The following VWC2L variants were observed in gnomAD, a reference collection of about 807,000 sequenced individuals.
VWC2L encodes the protein von Willebrand factor C domain containing 2 like.
In VWC2L, 10 loss-of-function variants were observed where a neutral mutation model predicts 21.6. The ratio of observed to expected loss-of-function variants is 0.46; its 90% CI spans 0.29 to 0.78. The LOEUF (loss-of-function observed/expected upper bound fraction) is 0.78, where lower values mean the gene tolerates loss of function less well. VWC2L is among the 30% of genes least tolerant of loss of function. VWC2L has a pLI of 0.10. For synonymous variants in VWC2L, 96 were observed against 94.3 expected (o/e 1.02, Z -0.10); for missense variants, 209 against 277.1 (o/e 0.75, Z 1.74).
intron 3 of VWC2L, among the ~76,000 whole-genome samples, chr2:214,456,391 G>A (rs542814922): frequency 6.6e-6 from 1 of 151,864 alleles, no homozygotes; most frequent in Admixed American, 6.6e-5. Context: ...TGATTGTTTG[G>A]TTTTTGTTTG....
rs57520807 is a variant in VWC2L at position 214,420,114 on chromosome 2, C to T, written c.390+5531C>T. ...GATTATTTTGCCAAGTCATCACACTCATAAAAATTGTTGATGCCAATTTGG... is the reference window on the plus strand; with the variant it reads ...GATTATTTTGCCAAGTCATCACACTTATAAAAATTGTTGATGCCAATTTGG... On this transcript the variant is annotated intron_variant, in intron 2 of 3. Coordinates refer to ENST00000312504, the MANE Select transcript of VWC2L (RefSeq NM_001080500.4). 2.8e-3 allele frequency among the ~76,000 whole-genome samples: 427 copies of T among 152,196 alleles called. 2 individuals are homozygous for T. Among genetic ancestry groups the T allele is most frequent in the African/African-American group, 9.8e-3 (407 of 41,522 alleles).
At chr2:214,452,716 G>T (rs1407983151) in intron 3 of VWC2L, among the ~76,000 whole-genome samples, 2 of 152,042 alleles carry the variant, frequency 1.3e-5, no homozygotes, top group Non-Finnish European at 2.9e-5. Flanking sequence ...AAATGGGACT[G>T]CCAGTTTCTC....
At chr2:214,458,884 T>C (rs1235893220) in intron 3 of VWC2L, among the ~76,000 whole-genome samples, 3 of 152,206 alleles carry the variant, frequency 2.0e-5, no homozygotes, top group African/African-American at 4.8e-5. Flanking sequence ...GAAAAAAATG[T>C]GTATTCTGCT....
At chr2:214,571,438 G>T (rs1433346018) in intron 3 of VWC2L, among the ~76,000 whole-genome samples, 2 of 152,138 alleles carry the variant, frequency 1.3e-5, no homozygotes, top group African/African-American at 4.8e-5. Flanking sequence ...AAATGTTCAA[G>T]AAATTATCAC....
rs377730240 is a variant in VWC2L at position 214,461,152 on chromosome 2, G to C, written c.520+24394G>C. On this transcript the variant is annotated intron_variant, in intron 3 of 3. Coordinates refer to ENST00000312504, the MANE Select transcript of VWC2L (RefSeq NM_001080500.4). ...TAGTCAGGCCCCAGTCGTGGCAGCA[G>C]TGGGACAAATGTTCCTGTCCTTGGG... is the stretch of plus-strand genomic sequence containing the variant. Among the ~76,000 whole-genome samples, 14 of 152,350 alleles carry C rather than the reference G, an allele frequency of 9.2e-5. No individual in the cohort carries two copies. In the East Asian group the frequency reaches 2.5e-3, roughly 27 times the overall value.
At chr2:214,525,976 G>A (rs1689327329) in intron 3 of VWC2L, among the ~76,000 whole-genome samples, 1 of 151,928 alleles carries the variant, frequency 6.6e-6, no homozygotes, top group Non-Finnish European at 1.5e-5. Flanking sequence ...AAGGCATTTG[G>A]AACAGTGTTC....
intron 3 of VWC2L, among the ~76,000 whole-genome samples, chr2:214,453,325 A>G (rs1344513156): frequency 6.6e-6 from 1 of 152,202 alleles, no homozygotes; most frequent in East Asian, 1.9e-4. Context: ...TGCCAAGACA[A>G]CTATTCCTTC....
At chr2:214,447,416 T>C (rs1409417468) in intron 3 of VWC2L, among the ~76,000 whole-genome samples, 1 of 152,070 alleles carries the variant, frequency 6.6e-6, no homozygotes, top group Non-Finnish European at 1.5e-5. Flanking sequence ...AGGTACACAG[T>C]CTAACTTCAT....
intron 3 of VWC2L, among the ~76,000 whole-genome samples, chr2:214,482,859 C>T (rs1017587263): frequency 1.3e-5 from 2 of 152,006 alleles, no homozygotes; most frequent in African/African-American, 4.8e-5. Flanking sequence ...CTCCCTAAGA[C>T]CTATTGTCCT....
intron 3 of VWC2L, chr2:214,525,078 CAT>C (rs370100804): frequency 0.17 from 13,123 of 75,082 alleles, 963 homozygotes; most frequent in East Asian, 0.46. Context: ...CACACACACA[CAT>C]ACACTTTTAA....
At chr2:214,455,345 G>A (rs558542178) in intron 3 of VWC2L, among the ~76,000 whole-genome samples, 1 of 152,134 alleles carries the variant, frequency 6.6e-6, no homozygotes, top group Non-Finnish European at 1.5e-5. Context: ...TGGTCATAAA[G>A]TTGTTAATAA....
Position 214,418,390 on chromosome 2 carries a change from G to C in VWC2L, c.390+3807G>C, listed in dbSNP as rs183108520. On this transcript the variant is annotated intron_variant, in intron 2 of 3. Transcript: ENST00000312504. Reference sequence around the variant, plus strand: ...TTGTCCAAGACCATACAGCTGGAAAGAGGAAAAAGTAGGACTCCAAGCCAG... The same window carrying C: ...TTGTCCAAGACCATACAGCTGGAAACAGGAAAAAGTAGGACTCCAAGCCAG... Among the ~76,000 whole-genome samples, 11 of 152,300 alleles carry C rather than the reference G, an allele frequency of 7.2e-5. No individual in the cohort carries two copies. The Middle Eastern group carries it at 0.01, about 142-fold the overall frequency.
intron 3 of VWC2L, among the ~76,000 whole-genome samples, chr2:214,489,680 G>T (rs1040477539): frequency 8.5e-5 from 13 of 152,166 alleles, no homozygotes; most frequent in African/African-American, 3.1e-4. Flanking sequence ...TGAGGTGACT[G>T]TGAGACCACA....
rs1489588765 is a variant in VWC2L, at chr2:214,561,809, T to TATATATATATATATACAC, written c.521-13862_521-13861insTATATATATATATACACA. Among the ~76,000 whole-genome samples the TATATATATATATATACAC allele has an allele frequency of 1.4e-4, 18 of 127,234 alleles. No individual in the cohort carries two copies. The South Asian group carries it at 1.9e-3, about 13-fold the overall frequency. 83.5% of individuals were successfully genotyped at this position (127,234 alleles called of 152,430 possible). ...TTATATATATATATATATATATATATACACACACATATATAATTTTATATA... is the reference window on the plus strand; with the variant it reads ...TTATATATATATATATATATATATATATATATATATATATACACACACACACATATATAATTTTATATA... On this transcript the variant is annotated intron_variant, in intron 3 of 3. Transcript: ENST00000312504.
At chr2:214,544,237 G>C (rs1201420664) in intron 3 of VWC2L, among the ~76,000 whole-genome samples, 2 of 152,070 alleles carry the variant, frequency 1.3e-5, no homozygotes, top group Non-Finnish European at 2.9e-5. Context: ...GAATTCTCTG[G>C]GCATTTATCT....
chr2:214,466,431 A>G (rs1703218066), intron 3 of VWC2L, among the ~76,000 whole-genome samples: 1 of 152,130 alleles, frequency 6.6e-6, no homozygotes, highest in Non-Finnish European at 1.5e-5. Flanking sequence ...CTTTTGTGGA[A>G]TATGTGTCTT....
rs1449590998 is a variant in VWC2L, at chr2:214,570,192, G to T, written c.521-5480G>T. Among the ~76,000 whole-genome samples, 4 of 152,124 alleles carry T rather than the reference G, an allele frequency of 2.6e-5. No individual in the cohort carries two copies. The East Asian group carries it at 7.7e-4, about 29-fold the overall frequency. Reference sequence around the variant, plus strand: ...AATAAAAAGGGGCTGAAAGGATAGAGCCCTGGGCTCTCCACAGCCACCTCA... The same window carrying T: ...AATAAAAAGGGGCTGAAAGGATAGATCCCTGGGCTCTCCACAGCCACCTCA... On this transcript the variant is annotated intron_variant, in intron 3 of 3. Coordinates refer to ENST00000312504, the MANE Select transcript of VWC2L (RefSeq NM_001080500.4).
chr2:214,569,685 C>T (rs1400835932), intron 3 of VWC2L, among the ~76,000 whole-genome samples: 2 of 152,118 alleles, frequency 1.3e-5, no homozygotes, highest in Non-Finnish European at 2.9e-5. Flanking sequence ...CACTTCAACC[C>T]CATTAGCCTT....
chr2:214,491,078 A>C (rs1254099158), intron 3 of VWC2L, among the ~76,000 whole-genome samples: 4 of 152,146 alleles, frequency 2.6e-5, no homozygotes, highest in African/African-American at 7.2e-5. Flanking sequence ...GGAGTGATTT[A>C]AGGGTTCTGC....
Sources: gnomAD v4.1 joint callset for allele counts (sites outside exome capture counted in the v4.1 genomes callset) on GRCh38, gnomAD v4.1.1 for gene constraint, MANE v1.5 for transcripts, NCBI Gene and HGNC (gene_info 2026-07-23, HGNC 2026-07-21) for gene names.